Variants in WDR33 observed in about 807,000 individuals in gnomAD.
WDR33 encodes WD repeat domain 33.
In WDR33, 47 loss-of-function variants were observed where a neutral mutation model predicts 164.9. The ratio of observed to expected loss-of-function variants is 0.29; its 90% confidence interval spans 0.23 to 0.36. WDR33 has a LOEUF of 0.36. WDR33 is among the 10% of genes least tolerant of loss of function. The pLI is 1.00. For missense variants in WDR33, 1,137 were observed against 1,754.1 expected (o/e 0.65, Z 6.28); for synonymous variants, 505 against 589.0 (o/e 0.86, Z 2.06).
At position 127,701,917 on chromosome 2, in the gene WDR33, C is replaced by CGGCGT. The variant is rs1343828958; in HGVS notation, c.*4401_*4405dup. On this transcript the variant is annotated 3_prime_UTR_variant, in exon 22 of 22. Coordinates refer to ENST00000322313, the MANE Select transcript of WDR33 (RefSeq NM_018383.5). The stretch of plus-strand genomic sequence containing the variant: ...GGAAGCGCGCTGCTGCGGGGCGGCG[C>CGGCGT]GGCGTGCGGACGCCTGCTGCGCTGC... 5 of 1,446,446 alleles carry CGGCGT rather than the reference C, an allele frequency of 3.5e-6. No individual in the cohort carries two copies. The highest frequency in any genetic ancestry group is 4.5e-6 in the Non-Finnish European group (5 of 1,106,096). The allele number at this position is 1,446,446 out of a possible 1,614,324, so 89.6% of individuals were successfully genotyped here. A position where few individuals can be genotyped will look rare whatever the true frequency, so the allele number is the denominator to read the frequency against.
At chr2:127,802,756 A>G (rs1432208366) in intron 1 of WDR33, among the ~76,000 whole-genome samples, 1 of 152,154 alleles carries the variant, frequency 6.6e-6, no homozygotes, top group East Asian at 1.9e-4. Context: ...AGGAGGGAGG[A>G]ACCGATGACC....
intron 7 of WDR33, among the ~76,000 whole-genome samples, chr2:127,734,422 C>T (rs1309596665): frequency 1.3e-5 from 2 of 152,152 alleles, no homozygotes; most frequent in Non-Finnish European, 2.9e-5. Context: ...TGTAGATTAA[C>T]CTGTGTCTAA....
chr2:127,736,375 T>C lies in WDR33; in HGVS notation c.725-9598A>G, dbSNP rs150345055. The C allele has an allele frequency of 1.1e-4, 105 of 985,412 alleles. No homozygotes were observed. In the East Asian group the frequency reaches 9.3e-3, roughly 87 times the overall value. The allele number at this position is 985,412 out of a possible 1,614,324, so 61.0% of individuals were successfully genotyped here. On this transcript the variant is annotated intron_variant, in intron 7 of 21. Transcript: ENST00000322313. ...TTTACTGAAAATTCAGAAATGAGTG[T>C]TGCAAAATGTAAGGATTTGATCAGA...
At chr2:127,774,680 AT>A (rs1688127461) in intron 1 of WDR33, among the ~76,000 whole-genome samples, 1 of 152,110 alleles carries the variant, frequency 6.6e-6, no homozygotes, top group South Asian at 2.1e-4. Context: ...ATACAAAAAA[AT>A]TAGCCAGGCG....
At chr2:127,776,226 A>G (rs1201634429) in intron 1 of WDR33, among the ~76,000 whole-genome samples, 2 of 152,224 alleles carry the variant, frequency 1.3e-5, no homozygotes, top group African/African-American at 4.8e-5. Context: ...GAGAGAAGAC[A>G]GCCATCTAGA....
intron 1 of WDR33, among the ~76,000 whole-genome samples, chr2:127,800,248 C>T (rs553606094): frequency 6.6e-6 from 1 of 152,238 alleles, no homozygotes; most frequent in Admixed American, 6.5e-5. Context: ...AAAGTGAAAA[C>T]AATCCTAATG....
intron 18 of WDR33, among the ~76,000 whole-genome samples, chr2:127,711,780 A>ATATATATTTTTTTTTTTTTTTTTTTTT: frequency 1.1e-5 from 1 of 88,308 alleles, no homozygotes; most frequent in African/African-American, 6.5e-5. Context: ...ATATATATAT[A>ATATATATTTTTTTTTTTTTTTTTTTTT]TTTTTTTTTT....
intron 1 of WDR33, among the ~76,000 whole-genome samples, chr2:127,800,220 G>A (rs548250846): frequency 1.3e-5 from 2 of 152,298 alleles, no homozygotes; most frequent in African/African-American, 2.4e-5. Context: ...TTACAGCAGC[G>A]TTATTAATAA....
intron 1 of WDR33, among the ~76,000 whole-genome samples, chr2:127,774,812 AGAGT>A (rs772039137): frequency 7.2e-5 from 11 of 152,114 alleles, no homozygotes; most frequent in Non-Finnish European, 1.5e-4. Context: ...CCTGGGCGAC[AGAGT>A]GAGACTCCGT....
chr2:127,776,638 C>T (rs1376686500), intron 1 of WDR33, among the ~76,000 whole-genome samples: 7 of 152,158 alleles, frequency 4.6e-5, no homozygotes, highest in African/African-American at 1.7e-4. Context: ...GTCAAGGCTG[C>T]AGTGAACCAA....
At chr2:127,752,566 C>T (rs1029348096) in intron 7 of WDR33, among the ~76,000 whole-genome samples, 29 of 139,116 alleles carry the variant, frequency 2.1e-4, no homozygotes, top group East Asian at 1.1e-3. Flanking sequence ...GTCCGCAGTC[C>T]GGCCTGGGCG....
chr2:127,747,466 C>CAATCTAAA (rs1573910562), intron 7 of WDR33, among the ~76,000 whole-genome samples: 1 of 150,422 alleles, frequency 6.6e-6, no homozygotes, highest in East Asian at 1.9e-4. Flanking sequence ...AAAACTTTTA[C>CAATCTAAA]AATCTAAAAC....
intron 1 of WDR33, among the ~76,000 whole-genome samples, chr2:127,797,331 A>C (rs572646431): frequency 6.6e-6 from 1 of 152,152 alleles, no homozygotes; most frequent in African/African-American, 2.4e-5. Flanking sequence ...GTCTCTACTA[A>C]AAATACAAAA....
At chr2:127,760,853 T>C (rs1288853223) in intron 7 of WDR33, among the ~76,000 whole-genome samples, 2 of 152,216 alleles carry the variant, frequency 1.3e-5, no homozygotes, top group African/African-American at 2.4e-5. Flanking sequence ...ATTATACCTT[T>C]GTACATGTTT....
At chr2:127,736,693 G>A in intron 7 of WDR33, 1 of 985,398 alleles carries the variant, frequency 1.0e-6, no homozygotes, top group East Asian at 1.1e-4. Flanking sequence ...TAAAATTAGT[G>A]CCGTGTAACT....
At chr2:127,736,317 G>A (rs1178422185) in intron 7 of WDR33, 1 of 985,082 alleles carries the variant, frequency 1.0e-6, no homozygotes, top group Non-Finnish European at 1.2e-6. Context: ...CATGTAAAGG[G>A]GCCTTTAACC....
At position 127,764,391 on chromosome 2, in the gene WDR33, G is replaced by C; in HGVS notation, c.626+437C>G. 6.9e-7 allele frequency: 1 copy of C among 1,439,778 alleles called. No individual in the cohort carries two copies. The allele number at this position is 1,439,778 out of a possible 1,614,324, so 89.2% of individuals were successfully genotyped here. On this transcript the variant is annotated intron_variant, in intron 6 of 21. Coordinates refer to ENST00000322313, the MANE Select transcript of WDR33 (RefSeq NM_018383.5). This position sits in a 1 kb window ranked among gnomAD's most constrained non-coding sequence, Gnocchi z 6.2. ...AGTCGTGGCATAACCAAGCCAACCA[G>C]GTCTTCACTTAAGCCTTTTTCCACT...
chr2:127,788,179 G>C (rs1285009949), intron 1 of WDR33, among the ~76,000 whole-genome samples: 1 of 87,056 alleles, frequency 1.1e-5, no homozygotes, highest in African/African-American at 4.6e-5. Flanking sequence ...CAGACGGGGC[G>C]GCTGGCCGGG....
Position 127,713,556 on chromosome 2 carries a change from A to G in WDR33, c.3308+27T>C. The G allele has an allele frequency of 6.2e-7, 1 of 1,610,814 alleles. No individual in the cohort carries two copies. ...AGATAAAAAGCTCCACTGAAGATGG[A>G]ATGGGCCCACAAAGTATCTGTCCCA... On this transcript the variant is annotated intron_variant, in intron 18 of 21. Coordinates refer to ENST00000322313, the MANE Select transcript of WDR33 (RefSeq NM_018383.5). This position sits in a 1 kb window ranked among gnomAD's most constrained non-coding sequence, Gnocchi z 6.2.
Sources: gnomAD v4.1 joint callset for allele counts (sites outside exome capture counted in the v4.1 genomes callset) on GRCh38, gnomAD v4.1.1 for gene constraint, Gnocchi (gnomAD v3.1) non-coding constraint, MANE v1.5 for transcripts, NCBI Gene and HGNC (gene_info 2026-07-23, HGNC 2026-07-21) for gene names.